ARHGAP29: variants seen among roughly 807,000 people sequenced by gnomAD.
ARHGAP29 encodes Rho GTPase activating protein 29.
Under a neutral mutation model 122.6 loss-of-function variants are expected in ARHGAP29, and 43 were observed. The ratio of observed to expected loss-of-function variants is 0.35; its 90% CI spans 0.27 to 0.45. The LOEUF (loss-of-function observed/expected upper bound fraction) is 0.45. ARHGAP29 is among the 20% of genes least tolerant of loss of function. ARHGAP29 has a pLI of 1.00. For synonymous variants in ARHGAP29, 506 were observed against 497.1 expected (o/e 1.02, Z -0.24); for missense variants, 1,303 against 1,477.2 (o/e 0.88, Z 1.93).
At chr1:94,288,957 T>C in the ARHGAP29 span, among the ~76,000 whole-genome samples, 2 of 152,352 alleles carry the variant, frequency 1.3e-5, no homozygotes, top group South Asian at 4.1e-4. Context: ...TTGCTTAGGA[T>C]TGACTTGGCT....
At position 94,246,072 on chromosome 1, in the gene ARHGAP29, G is replaced by A. The variant is rs564637308; in HGVS notation, c.-32-14429C>T. Among the ~76,000 whole-genome samples, 16 of 152,268 alleles carry A rather than the reference G, an allele frequency of 1.1e-4. No individual in the cohort carries two copies. The South Asian group carries it at 2.3e-3, about 22-fold the overall frequency. ...AAGTTCTATTTCCTGCCAAATTGGG[G>A]ACTAAAACATTTTCTACTCAGGTCT... On this transcript the variant is annotated intron_variant and NMD_transcript_variant, in intron 1 of 25. Transcript: ENST00000552844.
In ARHGAP29 at chr1:94,209,321, T is replaced by G; in HGVS notation, c.370A>C (p.Asn124His). 8 of 1,608,968 alleles carry G rather than the reference T, an allele frequency of 5.0e-6. No homozygotes were observed. The highest frequency in any genetic ancestry group is 5.9e-6 in the Non-Finnish European group (7 of 1,178,664). The change falls in exon 4 of 23, where the codon AAC (asparagine) becomes CAC (histidine). Residue 124 changes from asparagine (N) to histidine (H), a missense_variant. Asn to His is a moderately conservative substitution (Grantham distance 68). Around this residue, in one of 3 missense-constraint regions of ARHGAP29, gnomAD observed 592 missense variants for 648.2 expected, o/e 0.91. Transcript: ENST00000260526. ...ACTTCCTGGAAGAGATCGTTTTTGT[T>G]TTCTTCATTAACTTCTGTGAAGTTC... ...AVNFTEVNEE[N>H]KNDLFQEVFS...
chr1:94,302,627 T>A, the ARHGAP29 span: 1 of 432,132 alleles, frequency 2.3e-6, no homozygotes. Flanking sequence ...GGCTCTCCAT[T>A]ACATCATCCC....
chr1:94,178,662 T>C (rs1186508912), intron 20 of ARHGAP29, among the ~76,000 whole-genome samples: 2 of 152,170 alleles, frequency 1.3e-5, no homozygotes, highest in Admixed American at 1.3e-4. Context: ...AGGCCTCCTC[T>C]CCAACTTAGT....
chr1:94,265,001 C>T (rs1368730957), intron 1 of ARHGAP29, among the ~76,000 whole-genome samples: 1 of 152,146 alleles, frequency 6.6e-6, no homozygotes, highest in Non-Finnish European at 1.5e-5. Flanking sequence ...GTTACAAGCC[C>T]AGTGAGAAAC....
the ARHGAP29 span, among the ~76,000 whole-genome samples, chr1:94,295,169 G>C: frequency 6.6e-6 from 1 of 152,188 alleles, no homozygotes; most frequent in African/African-American, 2.4e-5. Flanking sequence ...AAAGAACAGT[G>C]ATAACAATTT....
At chr1:94,265,298 G>A (rs1344319009) in intron 1 of ARHGAP29, among the ~76,000 whole-genome samples, 1 of 152,200 alleles carries the variant, frequency 6.6e-6, no homozygotes, top group South Asian at 2.1e-4. Flanking sequence ...GCTTCCCTGT[G>A]AGCTGAATCT....
chr1:94,296,700 C>G, the ARHGAP29 span, among the ~76,000 whole-genome samples: 1 of 152,090 alleles, frequency 6.6e-6, no homozygotes, highest in Non-Finnish European at 1.5e-5. Flanking sequence ...TTGGCCTCCC[C>G]CAACACAGAG....
the ARHGAP29 span, among the ~76,000 whole-genome samples, chr1:94,307,705 G>A: frequency 6.6e-6 from 1 of 152,086 alleles, no homozygotes; most frequent in East Asian, 1.9e-4. Flanking sequence ...AACAAATGGT[G>A]TTGAAAAGTT....
intron 1 of ARHGAP29, among the ~76,000 whole-genome samples, chr1:94,274,781 A>G (rs899260519): frequency 6.6e-6 from 1 of 152,176 alleles, no homozygotes; most frequent in Non-Finnish European, 1.5e-5. Flanking sequence ...CCAGGAGCAA[A>G]GGTTAAACAG....
the ARHGAP29 span, among the ~76,000 whole-genome samples, chr1:94,311,358 C>A: frequency 0.019 from 2,947 of 152,226 alleles, 53 homozygotes; most frequent in East Asian, 0.083. Context: ...TCAACCTTTT[C>A]TTCTCTCCCT....
rs998091675 is a variant in ARHGAP29, at chr1:94,237,268, C to T, written c.-33+147G>A. The T allele has an allele frequency of 1.8e-5, 9 of 510,532 alleles. No individual in the cohort carries two copies. In the African/African-American group the frequency reaches 1.9e-4, roughly 11 times the overall value. 31.6% of individuals were successfully genotyped at this position (510,532 alleles called of 1,614,324 possible). Reference sequence around the variant, plus strand: ...AGTCCTGGCTCGAGGACACCCGTCCCTAGCGCAGCCTGCCACCGCTTCCAC... The same window carrying T: ...AGTCCTGGCTCGAGGACACCCGTCCTTAGCGCAGCCTGCCACCGCTTCCAC... On this transcript the variant is annotated intron_variant, in intron 1 of 22. Transcript: ENST00000260526.
At chr1:94,214,530 C>A (rs925747606) in intron 3 of ARHGAP29, among the ~76,000 whole-genome samples, 5 of 152,204 alleles carry the variant, frequency 3.3e-5, no homozygotes, top group Admixed American at 6.5e-5. Flanking sequence ...GCTTCACTTT[C>A]AAAAATGCCT....
rs1471223078 is a variant in ARHGAP29 at position 94,263,239 on chromosome 1, A to G, written c.-33+11773T>C. On this transcript the variant is annotated intron_variant and NMD_transcript_variant, in intron 1 of 25. Coordinates refer to the ARHGAP29 transcript ENST00000552844. ...AGGAAAACAACAGACACAGGAGCCT[A>G]TTGGAGGGTGGAAGTTGAGAGGAGG... 1.3e-5 allele frequency among the ~76,000 whole-genome samples: 2 copies of G among 152,082 alleles called. 1 individual carries two copies. Among genetic ancestry groups the G allele is most frequent in the African/African-American group, 4.8e-5 (2 of 41,414 alleles).
At chr1:94,177,523 C>T (rs1239378259) in intron 22 of ARHGAP29, 89 bp downstream of exon 22, 2 of 941,420 alleles carry the variant, frequency 2.1e-6, no homozygotes, top group Non-Finnish European at 3.1e-6. Flanking sequence ...TCTGGCTTCC[C>T]TCATTGCCCC....
the ARHGAP29 span, among the ~76,000 whole-genome samples, chr1:94,289,361 G>A: frequency 1.3e-5 from 2 of 152,200 alleles, no homozygotes; most frequent in Non-Finnish European, 2.9e-5. Flanking sequence ...CTTTGCTGAA[G>A]TTGCTTATCA....
intron 3 of ARHGAP29, among the ~76,000 whole-genome samples, chr1:94,216,200 CTGTT>C (rs1403925524): frequency 3.3e-5 from 5 of 152,082 alleles, no homozygotes; most frequent in Non-Finnish European, 7.4e-5. Flanking sequence ...TATTGAAGCA[CTGTT>C]TGTAATAGGA....
At chr1:94,285,100 T>G in the ARHGAP29 span, among the ~76,000 whole-genome samples, 2 of 152,198 alleles carry the variant, frequency 1.3e-5, no homozygotes, top group African/African-American at 4.8e-5. Context: ...GTGTCATGGC[T>G]GATACAAAAA....
At chr1:94,215,640 CAA>C (rs2101566977) in intron 3 of ARHGAP29, among the ~76,000 whole-genome samples, 1 of 152,116 alleles carries the variant, frequency 6.6e-6, no homozygotes, top group South Asian at 2.1e-4. Context: ...TTAAATTCAA[CAA>C]ATGAAACCAT....
Sources: gnomAD v4.1 joint callset for allele counts (sites outside exome capture counted in the v4.1 genomes callset) on GRCh38, gnomAD v4.1.1 for gene constraint, gnomAD v4.1.1 regional missense constraint, MANE v1.5 for transcripts, NCBI Gene and HGNC (gene_info 2026-07-23, HGNC 2026-07-21) for gene names.